Variants in LINGO1 observed in about 807,000 individuals in gnomAD.
The protein encoded by LINGO1 is leucine rich repeat and Ig domain containing 1.
A neutral mutation model predicts 37.3 loss-of-function variants in LINGO1; 11 were observed. The observed-to-expected ratio is 0.29, with a 90% CI of 0.19 to 0.49. The LOEUF (loss-of-function observed/expected upper bound fraction) is 0.49, where lower values mean the gene tolerates loss of function less well. LINGO1 is among the 20% of genes least tolerant of loss of function. The pLI, the probability that LINGO1 is intolerant of heterozygous loss-of-function variation, is 0.99. For missense variants in LINGO1, 585 were observed against 878.2 expected, an observed-to-expected ratio of 0.67 and a Z score of 4.22; for synonymous variants, 387 against 403.0, an observed-to-expected ratio of 0.96 and a Z score of 0.48.
At chr15:77,810,345 T>TGCACACACACACACAC in intron 1 of LINGO1, among the ~76,000 whole-genome samples, 1 of 125,330 alleles carries the variant, frequency 8.0e-6, no homozygotes, top group South Asian at 2.3e-4. Context: ...CACACACACA[T>TGCACACACACACACAC]GCACACACAC....
chr15:77,635,006 T>A (rs1245118440), upstream of LINGO1, among the ~76,000 whole-genome samples: 3 of 152,094 alleles, frequency 2.0e-5, no homozygotes, highest in Non-Finnish European at 4.4e-5. Flanking sequence ...GCTCCCTGCC[T>A]CAGTGATCTC....
chr15:77,742,674 A>G (rs762622179), intron 1 of LINGO1, among the ~76,000 whole-genome samples: 4 of 152,240 alleles, frequency 2.6e-5, no homozygotes, highest in Non-Finnish European at 4.4e-5. Context: ...CTGCAAAACC[A>G]TAACTTTCAT....
chr15:77,699,157 A>G (rs754409241), upstream of LINGO1, among the ~76,000 whole-genome samples: 1 of 151,954 alleles, frequency 6.6e-6, no homozygotes. Context: ...CCCCAACATT[A>G]GCATTCGCTG....
At chr15:77,728,332 C>T (rs1056971426) in intron 2 of LINGO1, among the ~76,000 whole-genome samples, 2 of 152,262 alleles carry the variant, frequency 1.3e-5, no homozygotes, top group African/African-American at 4.8e-5. Flanking sequence ...GCTGCACCAG[C>T]GTCTGCTGAG....
intron 2 of LINGO1, among the ~76,000 whole-genome samples, chr15:77,729,113 T>C (rs1005098780): frequency 6.6e-6 from 1 of 152,144 alleles, no homozygotes; most frequent in Non-Finnish European, 1.5e-5. Context: ...CAGTTGGCAC[T>C]AGGAGGGCCC....
At position 77,613,745 on chromosome 15, in the gene LINGO1, T is replaced by G; in HGVS notation, c.*299A>C. 1 of 374,220 alleles carries G rather than the reference T, an allele frequency of 2.7e-6. No homozygotes were observed. The allele number at this position is 374,220 out of a possible 1,614,324, so 23.2% of individuals were successfully genotyped here. ...ATTGAAACCCAAGTTACAGAGAAAG[T>G]TCGTAACTTTTTTATTGAATTATTG... On this transcript the variant is annotated 3_prime_UTR_variant, in exon 2 of 2. Coordinates refer to ENST00000355300, the MANE Select transcript of LINGO1 (RefSeq NM_032808.7).
chr15:77,810,277 CAT>C (rs1367007531), intron 1 of LINGO1, among the ~76,000 whole-genome samples: 1 of 118,060 alleles, frequency 8.5e-6, no homozygotes, highest in African/African-American at 2.6e-5. Flanking sequence ...CTCACACACA[CAT>C]ACACAAGCAC....
intron 2 of LINGO1, among the ~76,000 whole-genome samples, chr15:77,685,324 C>G (rs889635514): frequency 6.6e-6 from 1 of 152,090 alleles, no homozygotes; most frequent in African/African-American, 2.4e-5. Flanking sequence ...TGGCTGTGGC[C>G]TACTTTCAGG....
intron 2 of LINGO1, among the ~76,000 whole-genome samples, chr15:77,719,765 C>T (rs890403365): frequency 7.0e-6 from 1 of 143,174 alleles, no homozygotes; most frequent in Non-Finnish European, 1.5e-5. Flanking sequence ...CACATTCACA[C>T]ACTCACACAT....
At chr15:77,691,279 A>C (rs979843251) in intron 1 of LINGO1, among the ~76,000 whole-genome samples, 1 of 152,210 alleles carries the variant, frequency 6.6e-6, no homozygotes. Flanking sequence ...GCCACAGTAC[A>C]TGGGAAAAAC....
At chr15:77,686,749 C>T (rs759203848) in intron 2 of LINGO1, among the ~76,000 whole-genome samples, 1 of 152,216 alleles carries the variant, frequency 6.6e-6, no homozygotes, top group Non-Finnish European at 1.5e-5. Flanking sequence ...CCCCTGCCTC[C>T]AGCACCTCCA....
chr15:77,722,783 TA>T (rs2076063232), intron 2 of LINGO1, among the ~76,000 whole-genome samples: 1 of 152,080 alleles, frequency 6.6e-6, no homozygotes, highest in African/African-American at 2.4e-5. Context: ...GGGCTGGTCA[TA>T]AGTTGGTGCT....
chr15:77,724,930 G>A (rs4886901), intron 2 of LINGO1, among the ~76,000 whole-genome samples: 61,884 of 152,150 alleles, frequency 0.41, 12,767 homozygotes, highest in Admixed American at 0.52. Flanking sequence ...CCCAGACGGT[G>A]TGTGGACCCG....
intron 1 of LINGO1, among the ~76,000 whole-genome samples, chr15:77,740,154 T>C (rs539205062): frequency 9.8e-5 from 15 of 152,310 alleles, no homozygotes; most frequent in African/African-American, 3.4e-4. Context: ...CCTGACAGCA[T>C]GGACAGTGTG....
Position 77,742,358 on chromosome 15 carries a change from C to A in LINGO1, c.-256-7305G>T, listed in dbSNP as rs144536438. ...GCACAGTGAACAGAGCCTCACAGAG[C>A]CACTCGATGGCCACTTCCTGAGCAC... On this transcript the variant is annotated intron_variant, in intron 1 of 3. Coordinates refer to the LINGO1 transcript ENST00000561686. 6.0e-3 allele frequency among the ~76,000 whole-genome samples: 913 copies of A among 152,326 alleles called. 3 individuals are homozygous for A. Among genetic ancestry groups the A allele is most frequent in the Non-Finnish European group, 8.4e-3 (569 of 68,032 alleles).
At chr15:77,701,059 T>C (rs1247201366), upstream of LINGO1, among the ~76,000 whole-genome samples, 2 of 152,156 alleles carry the variant, frequency 1.3e-5, no homozygotes, top group Non-Finnish European at 2.9e-5. Flanking sequence ...GGTGTTCTTA[T>C]TCCCACTTGA....
chr15:77,750,877 ATGAGAC>A (rs2141366181), intron 1 of LINGO1, among the ~76,000 whole-genome samples: 1 of 152,334 alleles, frequency 6.6e-6, no homozygotes, highest in Non-Finnish European at 1.5e-5. Context: ...ACTTTGGCCA[ATGAGAC>A]TGGAGCCTCT....
chr15:77,819,804 G>T (rs1366038599), intron 1 of LINGO1, among the ~76,000 whole-genome samples: 45 of 151,054 alleles, frequency 3.0e-4, no homozygotes, highest in Admixed American at 3.0e-3. Context: ...CTCCCAGCCC[G>T]AACCTGGGCC....
intron 1 of LINGO1, among the ~76,000 whole-genome samples, chr15:77,694,786 C>T (rs1224236088): frequency 6.6e-6 from 1 of 152,198 alleles, no homozygotes; most frequent in Admixed American, 6.5e-5. Flanking sequence ...GTCGTTCTTA[C>T]CCCACACCTA....
Sources: allele counts gnomAD v4.1 joint callset (sites outside exome capture counted in the v4.1 genomes callset), GRCh38; gene constraint gnomAD v4.1.1; transcripts MANE v1.5; gene names NCBI Gene and HGNC (gene_info 2026-07-23, HGNC 2026-07-21).